MIS12: variants seen among roughly 807,000 people sequenced by gnomAD.
MIS12 encodes the protein MIS12 kinetochore complex component.
Under a neutral mutation model 16.5 loss-of-function variants are expected in MIS12, and 13 were observed. The observed-to-expected ratio is 0.79, with a 90% CI of 0.51 to 1.25. MIS12 has a LOEUF of 1.25. Ranked by LOEUF, MIS12 falls within the 50% of genes most tolerant of loss-of-function variation. The pLI, the probability that MIS12 is intolerant of heterozygous loss-of-function variation, is 0.00. For missense variants in MIS12, 199 were observed against 239.5 expected, an observed-to-expected ratio of 0.83 and a Z score of 1.12; for synonymous variants, 97 against 87.3, an observed-to-expected ratio of 1.11 and a Z score of -0.62.
At position 5,488,880 on chromosome 17, in the gene MIS12, G is replaced by A; in HGVS notation, c.18G>A (p.Met6Ile). Residue 6 changes from methionine to isoleucine, a missense_variant, in exon 3 of 3, where the codon ATG (methionine) becomes ATA (isoleucine). Transcript: ENST00000611091. The part of the protein sequence containing the change: MSVDP[M>I]TYEAQFFGFT... ...AAGCCAAGATGTCTGTGGATCCAATGACCTACGAGGCCCAGTTCTTTGGCT... is the reference window on the plus strand; with the variant it reads ...AAGCCAAGATGTCTGTGGATCCAATAACCTACGAGGCCCAGTTCTTTGGCT... 1 of 1,612,538 alleles carries A rather than the reference G, an allele frequency of 6.2e-7. No individual in the cohort carries two copies. Among genetic ancestry groups the A allele is most frequent in the Non-Finnish European group, 8.5e-7 (1 of 1,178,780 alleles).
At chr17:5,486,405 C>T (rs529749471), upstream of MIS12, 66 of 448,820 alleles carry the variant, frequency 1.5e-4, no homozygotes, top group African/African-American at 1.4e-3. Context: ...CACCAGCCAA[C>T]GTCCGGGAAA....
chr17:5,489,374 C>T lies in MIS12; in HGVS notation c.512C>T (p.Thr171Ile). The change falls in exon 3 of 3, where the codon ACT becomes ATT. Residue 171 changes from threonine (T) to isoleucine (I), a missense_variant. Thr to Ile is a moderately conservative substitution (Grantham distance 89). Coordinates refer to ENST00000611091, the MANE Select transcript of MIS12 (RefSeq NM_001258217.2). Reference sequence around the variant, plus strand: ...CATAATGTTGGCAGAGATCATGGGACTAGTGATTTTAGGGAGAGTTTAGTA... The same window carrying T: ...CATAATGTTGGCAGAGATCATGGGATTAGTGATTTTAGGGAGAGTTTAGTA... Reference protein sequence around the residue: ...ELHNVGRDHGTSDFRESLVSL... With the variant: ...ELHNVGRDHGISDFRESLVSL... 1 of 1,614,030 alleles carries T rather than the reference C, an allele frequency of 6.2e-7. No homozygotes were observed. Among genetic ancestry groups the T allele is most frequent in the South Asian group, 1.1e-5 (1 of 91,080 alleles).
rs1196901669 is a variant in MIS12, at chr17:5,488,980, GAACA to G, written c.119_122del (p.Glu40GlyfsTer4). 1 of 1,614,070 alleles carries G rather than the reference GAACA, an allele frequency of 6.2e-7. No homozygotes were observed. ...CCTATTTGAAGTGATGCAGGCCGTTGAACAGGTTATTCTGAAGAAGCTGGATGGC... is the reference window on the plus strand; with the variant it reads ...CCTATTTGAAGTGATGCAGGCCGTTGGGTTATTCTGAAGAAGCTGGATGGC... On this transcript the variant is annotated frameshift_variant, in exon 3 of 3. Transcript: ENST00000611091. LOFTEE classifies it high-confidence loss of function.
rs752989326 is a variant in MIS12 at position 5,488,976 on chromosome 17, C to T, written c.114C>T (p.Ala38=). Reference sequence around the variant, plus strand: ...ACTACCTATTTGAAGTGATGCAGGCCGTTGAACAGGTTATTCTGAAGAAGC... The same window carrying T: ...ACTACCTATTTGAAGTGATGCAGGCTGTTGAACAGGTTATTCTGAAGAAGC... The part of the protein sequence containing the change: ...FQDYLFEVMQ[A]VEQVILKKLD... The change falls in exon 3 of 3, where the codon GCC becomes GCT. Residue 38 remains alanine (A), a synonymous_variant. Transcript: ENST00000611091. The T allele has an allele frequency of 6.9e-5, 111 of 1,614,182 alleles. 1 individual carries two copies. Among genetic ancestry groups the T allele is most frequent in the African/African-American group, 5.7e-4 (43 of 75,036 alleles).
At position 5,490,548 on chromosome 17, in the gene MIS12, C is replaced by A. The variant is rs1906715547; in HGVS notation, c.*1068C>A. On this transcript the variant is annotated 3_prime_UTR_variant, in exon 3 of 3. Coordinates refer to ENST00000611091, the MANE Select transcript of MIS12 (RefSeq NM_001258217.2). ...TTAAACTCAATGGAATCTAATATTTCTTTATGTCGTTAGTCCCTGTAAAAT... is the reference window on the plus strand; with the variant it reads ...TTAAACTCAATGGAATCTAATATTTATTTATGTCGTTAGTCCCTGTAAAAT... 1 of 167,002 alleles carries A rather than the reference C, an allele frequency of 6.0e-6. No individual in the cohort carries two copies. The highest frequency in any genetic ancestry group is 6.5e-5 in the Admixed American group (1 of 15,272). 10.3% of individuals were successfully genotyped at this position (167,002 alleles called of 1,614,324 possible). A position where few individuals can be genotyped will look rare whatever the true frequency, so the allele number is the denominator to read the frequency against.
Position 5,488,571 on chromosome 17 carries a change from A to T in MIS12, c.-59A>T, listed in dbSNP as rs1906541198. 1 of 338,764 alleles carries T rather than the reference A, an allele frequency of 3.0e-6. No individual in the cohort carries two copies. The highest frequency in any genetic ancestry group is 5.5e-6 in the Non-Finnish European group (1 of 182,768). 21.0% of individuals were successfully genotyped at this position (338,764 alleles called of 1,614,324 possible). On this transcript the variant is annotated 5_prime_UTR_variant, in exon 2 of 3. Coordinates refer to ENST00000611091, the MANE Select transcript of MIS12 (RefSeq NM_001258217.2). ...TCTAGGATGATAATTCAGAAGACTGATCTGTGCCAAAGTCACAGGTAAGGG... is the reference window on the plus strand; with the variant it reads ...TCTAGGATGATAATTCAGAAGACTGTTCTGTGCCAAAGTCACAGGTAAGGG...
chr17:5,487,384 T>C (rs7223522), intron 1 of MIS12, among the ~76,000 whole-genome samples: 65,724 of 151,752 alleles, frequency 0.43, 16,789 homozygotes, highest in African/African-American at 0.72. Flanking sequence ...TGCAGTGATC[T>C]GTGATCGTGC....
In MIS12 at chr17:5,489,137, G is replaced by T; in HGVS notation, c.275G>T (p.Arg92Leu). The change falls in exon 3 of 3, where the codon CGT (arginine) becomes CTT (leucine). Residue 92 changes from arginine to leucine, a missense_variant. By Grantham distance (102) the Arg-to-Leu change is moderately radical. Coordinates refer to ENST00000611091, the MANE Select transcript of MIS12 (RefSeq NM_001258217.2). Reference protein sequence around the residue: ...MEQLFLQLILRIPSNILLPED... With the variant: ...MEQLFLQLILLIPSNILLPED... ...CAACTGTTTTTGCAGCTGATTTTAC[G>T]TATTCCCTCAAACATCTTGCTTCCT... 1 of 1,614,144 alleles carries T rather than the reference G, an allele frequency of 6.2e-7. No homozygotes were observed.
At chr17:5,488,654 G>A in intron 2 of MIS12, 65 bp downstream of exon 2, 1 of 405,134 alleles carries the variant, frequency 2.5e-6, no homozygotes, top group East Asian at 3.9e-5. Flanking sequence ...GAGCCTCAGA[G>A]AGGCAAAGAG....
At position 5,489,645 on chromosome 17, in the gene MIS12, T is replaced by C; in HGVS notation, c.*165T>C. The C allele has an allele frequency of 1.2e-6, 1 of 813,692 alleles. No individual in the cohort carries two copies. The highest frequency in any genetic ancestry group is 2.2e-5 in the South Asian group (1 of 45,216). The allele number at this position is 813,692 out of a possible 1,614,324, so 50.4% of individuals were successfully genotyped here. On this transcript the variant is annotated 3_prime_UTR_variant, in exon 3 of 3. Coordinates refer to ENST00000611091, the MANE Select transcript of MIS12 (RefSeq NM_001258217.2). ...TTGTATTCTGTGTTTTCCTCTTTTT[T>C]GGTCCACTTTGCTGAGGTATGAAGT...
rs1219927877 is a variant in MIS12 at position 5,489,546 on chromosome 17, G to A, written c.*66G>A. The A allele has an allele frequency of 7.4e-6, 11 of 1,486,668 alleles. No homozygotes were observed. Among genetic ancestry groups the A allele is most frequent in the Non-Finnish European group, 9.9e-6 (11 of 1,110,402 alleles). 92.1% of individuals were successfully genotyped at this position (1,486,668 alleles called of 1,614,324 possible). The stretch of plus-strand genomic sequence containing the variant: ...ATCATAAGGACTGTTCAAACCATAA[G>A]GACTGTTCAAATCATACCAGTGACT... On this transcript the variant is annotated 3_prime_UTR_variant, in exon 3 of 3. Transcript: ENST00000611091.
chr17:5,490,313 C>A lies in MIS12; in HGVS notation c.*833C>A, dbSNP rs1906698088. The A allele has an allele frequency of 6.0e-6, 1 of 166,986 alleles. No individual in the cohort carries two copies. The highest frequency in any genetic ancestry group is 2.1e-4 in the South Asian group (1 of 4,810). The allele number at this position is 166,986 out of a possible 1,614,324, so 10.3% of individuals were successfully genotyped here. Reference sequence around the variant, plus strand: ...GACTGTCTTAGAGTCCAGCAGAAGACCTTAGACAAAAAAAGCAGAACCCAC... The same window carrying A: ...GACTGTCTTAGAGTCCAGCAGAAGAACTTAGACAAAAAAAGCAGAACCCAC... On this transcript the variant is annotated 3_prime_UTR_variant, in exon 3 of 3. Transcript: ENST00000611091.
In MIS12 at chr17:5,487,399, G is replaced by A. The variant is rs1036553767; in HGVS notation, c.-435+715G>A. On this transcript the variant is annotated intron_variant, in intron 1 of 2. Coordinates refer to ENST00000611091, the MANE Select transcript of MIS12 (RefSeq NM_001258217.2). The stretch of plus-strand genomic sequence containing the variant: ...TGCAGTGATCTGTGATCGTGCCACT[G>A]CATTCCAGCCTGGGCGACAGAGCGA... Among the ~76,000 whole-genome samples the A allele has an allele frequency of 3.3e-5, 5 of 152,104 alleles. No homozygotes were observed. The East Asian group carries it at 9.7e-4, about 29-fold the overall frequency.
chr17:5,489,708 T>G lies in MIS12; in HGVS notation c.*228T>G. 2.3e-6 allele frequency: 1 copy of G among 443,360 alleles called. No homozygotes were observed. Among genetic ancestry groups the G allele is most frequent in the South Asian group, 6.1e-5 (1 of 16,438 alleles). 27.5% of individuals were successfully genotyped at this position (443,360 alleles called of 1,614,324 possible). On this transcript the variant is annotated 3_prime_UTR_variant, in exon 3 of 3. Transcript: ENST00000611091. ...ACTAGGCTGAAGCATCTGAGTCTTCTAATAAGTGGGAAGGGATCCAACAAA... is the reference window on the plus strand; with the variant it reads ...ACTAGGCTGAAGCATCTGAGTCTTCGAATAAGTGGGAAGGGATCCAACAAA...
chr17:5,489,351 T>A lies in MIS12; in HGVS notation c.489T>A (p.His163Gln). The A allele has an allele frequency of 1.9e-6, 3 of 1,614,100 alleles. No individual in the cohort carries two copies. The highest frequency in any genetic ancestry group is 1.3e-5 in the African/African-American group (1 of 75,060). Residue 163 changes from histidine to glutamine, a missense_variant, in exon 3 of 3, where the codon CAT becomes CAA. By Grantham distance (24) the His-to-Gln change is conservative. Coordinates refer to ENST00000611091, the MANE Select transcript of MIS12 (RefSeq NM_001258217.2). Reference sequence around the variant, plus strand: ...CGTTGACTTTCTTTGATGAGCTTCATAATGTTGGCAGAGATCATGGGACTA... The same window carrying A: ...CGTTGACTTTCTTTGATGAGCTTCAAAATGTTGGCAGAGATCATGGGACTA... Reference protein sequence around the residue: ...KQTLTFFDELHNVGRDHGTSD... With the variant: ...KQTLTFFDELQNVGRDHGTSD...
Position 5,488,472 on chromosome 17 carries a change from C to CCG in MIS12, c.-158_-157insCG. ...AGAGCCAGGTGGCTAAAAGGTGGAGCTATAGGTCATTGAAGCTCAAGAAAC... is the reference window on the plus strand; with the variant it reads ...AGAGCCAGGTGGCTAAAAGGTGGAGCCGTATAGGTCATTGAAGCTCAAGAAAC... On this transcript the variant is annotated 5_prime_UTR_variant, in exon 2 of 3. Coordinates refer to ENST00000611091, the MANE Select transcript of MIS12 (RefSeq NM_001258217.2). The CCG allele has an allele frequency of 1.1e-5, 2 of 176,622 alleles. No individual in the cohort carries two copies. Among genetic ancestry groups the CCG allele is most frequent in the Admixed American group, 5.6e-5 (1 of 17,874 alleles). The allele number at this position is 176,622 out of a possible 1,614,324, so 10.9% of individuals were successfully genotyped here. A position where few individuals can be genotyped will look rare whatever the true frequency, so the allele number is the denominator to read the frequency against.
chr17:5,488,400 A>G lies in MIS12; in HGVS notation c.-230A>G. ...GAATTGGAAGAATTGTGTAGGAGGC[A>G]GTAGTCAAAAAGTAGAAGCAGTTTG... On this transcript the variant is annotated 5_prime_UTR_variant, in exon 2 of 3. Transcript: ENST00000611091. 1 of 161,130 alleles carries G rather than the reference A, an allele frequency of 6.2e-6. No homozygotes were observed. The highest frequency in any genetic ancestry group is 1.4e-5 in the Non-Finnish European group (1 of 73,352). The allele number at this position is 161,130 out of a possible 1,614,324, so 10.0% of individuals were successfully genotyped here.
At position 5,489,159 on chromosome 17, in the gene MIS12, T is replaced by C; in HGVS notation, c.297T>C (p.Leu99=). The C allele has an allele frequency of 1.9e-6, 3 of 1,614,220 alleles. No individual in the cohort carries two copies. The highest frequency in any genetic ancestry group is 1.7e-6 in the Non-Finnish European group (2 of 1,180,030). Residue 99 remains leucine (L), a synonymous_variant, in exon 3 of 3, where the codon CTT becomes CTC. Coordinates refer to ENST00000611091, the MANE Select transcript of MIS12 (RefSeq NM_001258217.2). The part of the protein sequence containing the change: ...LILRIPSNIL[L]PEDKCKETPY... ...TACGTATTCCCTCAAACATCTTGCT[T>C]CCTGAAGATAAATGTAAGGAGACAC...
At chr17:5,488,757 T>G in intron 2 of MIS12, 66 bp from the exon 3 acceptor site, 1 of 1,251,810 alleles carries the variant, frequency 8.0e-7, no homozygotes, top group Non-Finnish European at 1.1e-6. Flanking sequence ...ATCTGTAATG[T>G]GATTGGTTAC....
Sources: gnomAD v4.1 joint callset for allele counts (sites outside exome capture counted in the v4.1 genomes callset) on GRCh38, gnomAD v4.1.1 for gene constraint, MANE v1.5 for transcripts, NCBI Gene and HGNC (gene_info 2026-07-23, HGNC 2026-07-21) for gene names.